The following RNF175 variants were observed in gnomAD, a reference collection of about 807,000 sequenced individuals.
RNF175 encodes ring finger protein 175.
Under a neutral mutation model 50.0 loss-of-function variants are expected in RNF175, and 38 were observed. The ratio of observed to expected loss-of-function variants is 0.76; its 90% CI spans 0.59 to 1.00. RNF175 has a LOEUF of 1.00. Ranked by LOEUF, RNF175 falls within the 50% of genes least tolerant of loss-of-function variation. RNF175 has a pLI of 0.00. For synonymous variants in RNF175, 155 were observed against 146.1 expected (o/e 1.06, Z -0.44); for missense variants, 388 against 409.6 (o/e 0.95, Z 0.46).
chr4:153,715,771 A>T, intron 6 of RNF175, 109 bp from the exon 7 acceptor site: 1 of 1,164,374 alleles, frequency 8.6e-7, no homozygotes, highest in Non-Finnish European at 1.2e-6. Context: ...GGCACATAGA[A>T]TCTCCACTGC....
chr4:153,720,814 A>G (rs1035365485), intron 5 of RNF175, among the ~76,000 whole-genome samples: 4 of 152,222 alleles, frequency 2.6e-5, no homozygotes, highest in Admixed American at 1.3e-4. Flanking sequence ...GGACAGCAGT[A>G]TTTTTAAAGA....
chr4:153,729,562 C>T (rs1188770956), intron 3 of RNF175: 1 of 512,336 alleles, frequency 2.0e-6, no homozygotes, highest in African/African-American at 2.1e-5. Context: ...TGATAATAGT[C>T]TAAGGTCAAT....
At chr4:153,722,957 A>T (rs1279649586) in intron 5 of RNF175, among the ~76,000 whole-genome samples, 1 of 152,208 alleles carries the variant, frequency 6.6e-6, no homozygotes, top group African/African-American at 2.4e-5. Context: ...GCTAGTGGCT[A>T]CTATACTGGA....
At chr4:153,741,852 A>T (rs886158021) in intron 3 of RNF175, among the ~76,000 whole-genome samples, 2 of 152,190 alleles carry the variant, frequency 1.3e-5, no homozygotes, top group African/African-American at 4.8e-5. Flanking sequence ...ATCCTGCCAC[A>T]TTCGGTTGGT....
At chr4:153,712,978 T>C (rs1286587011) in intron 7 of RNF175, 1 of 159,094 alleles carries the variant, frequency 6.3e-6, no homozygotes, top group Non-Finnish European at 1.4e-5. Flanking sequence ...TTGTGCATTA[T>C]TCTTTAGCTT....
intron 4 of RNF175, among the ~76,000 whole-genome samples, chr4:153,726,170 A>G (rs1431382974): frequency 6.6e-6 from 1 of 151,754 alleles, no homozygotes; most frequent in Admixed American, 6.6e-5. Context: ...CAGTGGCGTG[A>G]CCCTGGCTCA....
At chr4:153,753,438 C>T (rs919893753) in intron 1 of RNF175, among the ~76,000 whole-genome samples, 3 of 152,170 alleles carry the variant, frequency 2.0e-5, no homozygotes, top group Non-Finnish European at 2.9e-5. Flanking sequence ...CACCATCCTC[C>T]CTGGCAGCAT....
chr4:153,743,119 T>G (rs1739767027), intron 3 of RNF175, among the ~76,000 whole-genome samples: 1 of 151,172 alleles, frequency 6.6e-6, no homozygotes, highest in African/African-American at 2.4e-5. Context: ...CAGGCCGTAG[T>G]TTTTTTTGAT....
intron 1 of RNF175, among the ~76,000 whole-genome samples, chr4:153,755,538 A>G (rs1263726526): frequency 6.6e-6 from 1 of 151,850 alleles, no homozygotes; most frequent in Non-Finnish European, 1.5e-5. Context: ...ACTCAAATGA[A>G]GAATCGAAGA....
chr4:153,756,847 C>A (rs1735834525), intron 1 of RNF175, among the ~76,000 whole-genome samples: 1 of 152,232 alleles, frequency 6.6e-6, no homozygotes, highest in Non-Finnish European at 1.5e-5. Context: ...GGCTGTCACT[C>A]TTTAGATAGG....
chr4:153,723,911 T>C (rs954290573), intron 4 of RNF175, among the ~76,000 whole-genome samples: 5 of 152,092 alleles, frequency 3.3e-5, no homozygotes, highest in Admixed American at 3.3e-4. Context: ...TTCCCTCTTG[T>C]TCTGTTGCCC....
chr4:153,713,098 T>A (rs1026789182), intron 7 of RNF175: 1 of 152,538 alleles, frequency 6.6e-6, no homozygotes, highest in Non-Finnish European at 1.5e-5. Flanking sequence ...CTTTTAAAAG[T>A]ACTGATAAGG....
chr4:153,712,419 A>G, intron 8 of RNF175, 56 bp downstream of exon 8: 1 of 1,108,782 alleles, frequency 9.0e-7, no homozygotes, highest in Non-Finnish European at 1.3e-6. Context: ...ATTGAAGAAT[A>G]TATCCCCAGA....
chr4:153,748,582 G>A (rs1368362177), intron 3 of RNF175, 63 bp downstream of exon 3: 19 of 1,439,880 alleles, frequency 1.3e-5, no homozygotes. Flanking sequence ...ACATGTCCTG[G>A]AAAAAAACAG....
intron 6 of RNF175, among the ~76,000 whole-genome samples, chr4:153,715,941 G>GT (rs1259918239): frequency 6.6e-6 from 1 of 151,866 alleles, no homozygotes; most frequent in Non-Finnish European, 1.5e-5. Flanking sequence ...GTGGGTGCCT[G>GT]TAATCCCAGC....
chr4:153,735,184 T>A (rs1366345071), intron 3 of RNF175, among the ~76,000 whole-genome samples: 2 of 152,180 alleles, frequency 1.3e-5, no homozygotes, highest in Admixed American at 6.5e-5. Flanking sequence ...CATTTCGAAT[T>A]AATTTTTCTA....
chr4:153,718,557 T>G (rs924541234), intron 6 of RNF175, among the ~76,000 whole-genome samples: 4 of 152,146 alleles, frequency 2.6e-5, no homozygotes, highest in East Asian at 1.9e-4. Flanking sequence ...GCTTAAAGAC[T>G]TGGTTGTCTT....
chr4:153,710,338 A>G lies in RNF175; in HGVS notation c.*31T>C. On this transcript the variant is annotated 3_prime_UTR_variant, in exon 9 of 9. Coordinates refer to ENST00000347063, the MANE Select transcript of RNF175 (RefSeq NM_173662.4). ...AAATGTTGGACCAAGGATTTCAACC[A>G]TGCAGTATGTTGCTTCTGGGGTCTG... The G allele has an allele frequency of 6.5e-7, 1 of 1,526,802 alleles. No individual in the cohort carries two copies. Among genetic ancestry groups the G allele is most frequent in the Non-Finnish European group, 8.9e-7 (1 of 1,129,524 alleles). 94.6% of individuals were successfully genotyped at this position (1,526,802 alleles called of 1,614,324 possible).
chr4:153,741,463 T>C (rs138776865), intron 3 of RNF175, among the ~76,000 whole-genome samples: 1 of 152,316 alleles, frequency 6.6e-6, no homozygotes, highest in East Asian at 1.9e-4. Context: ...CTCACACTAC[T>C]CTATGCACTG....
Sources: gnomAD v4.1 joint callset for allele counts (sites outside exome capture counted in the v4.1 genomes callset) on GRCh38, gnomAD v4.1.1 for gene constraint, MANE v1.5 for transcripts, NCBI Gene and HGNC (gene_info 2026-07-23, HGNC 2026-07-21) for gene names.